The following ANO2 variants were observed in gnomAD, a reference collection of about 807,000 sequenced individuals.
The protein encoded by ANO2 is anoctamin 2.
ANO2 carries 101 observed loss-of-function variants against 124.2 expected under a neutral mutation model. The observed-to-expected ratio is 0.81, with a 90% CI of 0.69 to 0.96. The LOEUF is 0.96. Among genes scored for constraint, ANO2 ranks in the 40% least tolerant of loss-of-function variants. The probability of loss-of-function intolerance (pLI) is 0.00; values close to 1 mark genes in which losing one functional copy is unlikely to be tolerated. For missense variants in ANO2, 1,293 were observed against 1,274.5 expected (o/e 1.01, Z -0.22); for synonymous variants, 486 against 482.5 (o/e 1.01, Z -0.09).
chr12:5,744,058 C>T (rs1951187490), intron 12 of ANO2, 99 bp downstream of exon 12: 13 of 1,447,938 alleles, frequency 9.0e-6, no homozygotes, highest in African/African-American at 4.3e-5. Flanking sequence ...AGAAAAAATG[C>T]GAAAGTAAGT....
rs1228634727 is a variant in ANO2 at position 5,921,203 on chromosome 12, G to C, written c.371C>G (p.Ala124Gly). 2 of 1,613,840 alleles carry C rather than the reference G, an allele frequency of 1.2e-6. No individual in the cohort carries two copies. The highest frequency in any genetic ancestry group is 1.3e-5 in the African/African-American group (1 of 74,922). The change falls in exon 3 of 25, where the codon GCT (alanine) becomes GGT (glycine). Residue 124 changes from alanine to glycine, a missense_variant. Ala to Gly is a moderately conservative substitution (Grantham distance 60). Coordinates refer to ENST00000682330, the MANE Select transcript of ANO2 (RefSeq NM_001364791.2). ...LAQGFPGHSL[A>G]IVSNGETGKE... ...GCCTGTCTCCCCATTGGAGACGATA[G>C]CCAGCGAGTGGCCAGGGAAGCCTTG...
chr12:5,620,348 A>G (rs1433294046), intron 16 of ANO2, among the ~76,000 whole-genome samples: 2 of 152,232 alleles, frequency 1.3e-5, no homozygotes, highest in Admixed American at 6.5e-5. Context: ...GTGAGACCCT[A>G]GGACCCACAG....
chr12:5,644,687 T>A (rs1946543340), intron 15 of ANO2, among the ~76,000 whole-genome samples: 1 of 152,234 alleles, frequency 6.6e-6, no homozygotes, highest in Non-Finnish European at 1.5e-5. Context: ...TCTAAAACCA[T>A]GGTCTTCCAT....
At chr12:5,670,760 G>A (rs7304806) in intron 14 of ANO2, among the ~76,000 whole-genome samples, 1,552 of 151,996 alleles carry the variant, frequency 0.01, 28 homozygotes, top group African/African-American at 0.035. Flanking sequence ...CGTTGATCTC[G>A]AACTCCTGGT....
chr12:5,668,171 C>T (rs1947827334), intron 14 of ANO2, among the ~76,000 whole-genome samples: 1 of 152,204 alleles, frequency 6.6e-6, no homozygotes, highest in African/African-American at 2.4e-5. Flanking sequence ...TTCCCACCAA[C>T]AGTGTAAAGC....
At chr12:5,853,210 C>G (rs1418509261) in intron 4 of ANO2, among the ~76,000 whole-genome samples, 1 of 146,612 alleles carries the variant, frequency 6.8e-6, no homozygotes, top group East Asian at 2.0e-4. Context: ...CTATGTTGCC[C>G]AGGCTGGTCT....
At chr12:5,752,017 G>A (rs1339177359) in intron 10 of ANO2, among the ~76,000 whole-genome samples, 2 of 152,076 alleles carry the variant, frequency 1.3e-5, no homozygotes, top group Non-Finnish European at 2.9e-5. Context: ...TTAGCATAAC[G>A]TCCTCCAGGT....
At chr12:5,628,784 C>T (rs1014040853) in intron 16 of ANO2, among the ~76,000 whole-genome samples, 1 of 152,218 alleles carries the variant, frequency 6.6e-6, no homozygotes, top group East Asian at 1.9e-4. Context: ...TGCATCAATG[C>T]ACACTCATGC....
At chr12:5,704,833 C>A (rs924684184) in intron 14 of ANO2, among the ~76,000 whole-genome samples, 1 of 152,096 alleles carries the variant, frequency 6.6e-6, no homozygotes, top group Non-Finnish European at 1.5e-5. Context: ...TATGAAGGAA[C>A]TGCATGCAAA....
intron 10 of ANO2, among the ~76,000 whole-genome samples, chr12:5,763,605 G>A (rs1951798129): frequency 6.6e-6 from 1 of 151,872 alleles, no homozygotes; most frequent in African/African-American, 2.4e-5. Flanking sequence ...AATAACCTAT[G>A]GATCAAAGAA....
At chr12:5,705,691 G>A (rs1159867477) in intron 14 of ANO2, among the ~76,000 whole-genome samples, 1 of 152,176 alleles carries the variant, frequency 6.6e-6, no homozygotes, top group Non-Finnish European at 1.5e-5. Context: ...TTCCTAACTA[G>A]ACATTAATGG....
intron 3 of ANO2, among the ~76,000 whole-genome samples, chr12:5,907,770 T>C (rs934793128): frequency 6.6e-6 from 1 of 152,132 alleles, no homozygotes; most frequent in African/African-American, 2.4e-5. Context: ...GATAAGAAAA[T>C]AGACCCGGCA....
chr12:5,944,316 G>A (rs1451942650), intron 1 of ANO2, among the ~76,000 whole-genome samples: 1 of 152,180 alleles, frequency 6.6e-6, no homozygotes, highest in Non-Finnish European at 1.5e-5. Flanking sequence ...GCTGAGACCC[G>A]ACCTTGCTCA....
intron 1 of ANO2, among the ~76,000 whole-genome samples, chr12:5,932,391 A>C (rs1356545580): frequency 4.1e-5 from 6 of 145,944 alleles, no homozygotes. Context: ...ACGAGTGAGG[A>C]AAGAAGATAG....
At chr12:5,839,595 G>A (rs1403792178) in intron 4 of ANO2, 1 of 455,952 alleles carries the variant, frequency 2.2e-6, no homozygotes, top group South Asian at 1.5e-5. Context: ...AAGCATCTCT[G>A]GGTACCTCCT....
At chr12:5,786,023 A>G (rs1169083057) in intron 10 of ANO2, among the ~76,000 whole-genome samples, 2 of 127,648 alleles carry the variant, frequency 1.6e-5, no homozygotes, top group African/African-American at 2.9e-5. Flanking sequence ...GGGGGTGTTC[A>G]GGAAGGGGGA....
intron 14 of ANO2, among the ~76,000 whole-genome samples, chr12:5,649,639 C>T (rs890931367): frequency 6.6e-6 from 1 of 152,160 alleles, no homozygotes; most frequent in Non-Finnish European, 1.5e-5. Context: ...GAGTCTCACT[C>T]TGTTGCCCAG....
intron 14 of ANO2, among the ~76,000 whole-genome samples, chr12:5,711,778 T>C (rs1949826695): frequency 6.6e-6 from 1 of 152,220 alleles, no homozygotes; most frequent in South Asian, 2.1e-4. Flanking sequence ...GACTAGAATG[T>C]AGATTAACGA....
intron 20 of ANO2, 67 bp downstream of exon 20, chr12:5,599,417 C>G: frequency 3.3e-6 from 5 of 1,526,574 alleles, no homozygotes; most frequent in Non-Finnish European, 3.5e-6. Context: ...CCTACCTTCC[C>G]CCTTCAACCC....
Sources: gnomAD v4.1 joint callset for allele counts (sites outside exome capture counted in the v4.1 genomes callset) on GRCh38, gnomAD v4.1.1 for gene constraint, MANE v1.5 for transcripts, NCBI Gene and HGNC (gene_info 2026-07-23, HGNC 2026-07-21) for gene names.